PPARGC1A: variants seen among roughly 807,000 people sequenced by gnomAD.
PPARGC1A encodes the protein peroxisome proliferator-activated receptor gamma coactivator 1-alpha.
In PPARGC1A, 25 loss-of-function variants were observed where a neutral mutation model predicts 88.7. That is an observed-to-expected ratio of 0.28 (90% CI 0.21 to 0.39). PPARGC1A has a LOEUF of 0.39. Ranked by LOEUF, PPARGC1A falls within the 10% of genes least tolerant of loss-of-function variation. PPARGC1A has a pLI of 1.00. For synonymous variants in PPARGC1A, 363 were observed against 355.6 expected (o/e 1.02, Z -0.24); for missense variants, 880 against 968.7 (o/e 0.91, Z 1.22).
chr4:24,051,187 C>CCA, the PPARGC1A span, among the ~76,000 whole-genome samples: 1 of 58,620 alleles, frequency 1.7e-5, no homozygotes, highest in Non-Finnish European at 2.9e-5. Flanking sequence ...GACTCTGTCT[C>CCA]AAAAAAAAAA....
the PPARGC1A span, among the ~76,000 whole-genome samples, chr4:24,342,774 G>T: frequency 6.6e-6 from 1 of 152,180 alleles, no homozygotes; most frequent in Non-Finnish European, 1.5e-5. Flanking sequence ...AGCCTGGATT[G>T]ACTTCCCTGT....
In PPARGC1A at chr4:23,813,781, G is replaced by A. The variant is rs267600130; in HGVS notation, c.1702C>T (p.Arg568Cys). The stretch of plus-strand genomic sequence containing the variant: ...CTGTGTCGAGAAAAGGACCTTGAAC[G>A]AGAGCGCATCCTTTGGGGTCTTTGA... ...FSQRPQRMRSRSRSFSRHRSC... is the reference protein window; with the variant it reads ...FSQRPQRMRSCSRSFSRHRSC... Residue 568 changes from arginine (R) to cysteine (C), a missense_variant, in exon 8 of 13, where the codon CGT becomes TGT. Coordinates refer to ENST00000264867, the MANE Select transcript of PPARGC1A (RefSeq NM_013261.5). The A allele has an allele frequency of 2.7e-5, 43 of 1,613,386 alleles. No individual in the cohort carries two copies. The highest frequency in any genetic ancestry group is 1.5e-4 in the South Asian group (14 of 91,072).
chr4:24,212,851 T>C, the PPARGC1A span, among the ~76,000 whole-genome samples: 8 of 152,196 alleles, frequency 5.3e-5, no homozygotes, highest in Non-Finnish European at 8.8e-5. Flanking sequence ...AATGGTTGTG[T>C]CCCTTCCTAC....
chr4:24,106,021 C>T, the PPARGC1A span, among the ~76,000 whole-genome samples: 4 of 152,158 alleles, frequency 2.6e-5, no homozygotes, highest in Non-Finnish European at 4.4e-5. Flanking sequence ...AATTATGCTA[C>T]GCAGTTGAAA....
the PPARGC1A span, among the ~76,000 whole-genome samples, chr4:24,133,186 CT>C: frequency 2.6e-5 from 4 of 152,088 alleles, no homozygotes; most frequent in African/African-American, 7.2e-5. Flanking sequence ...GGTTTCCCCC[CT>C]GGGGGGTGGT....
chr4:24,057,978 G>A, the PPARGC1A span, among the ~76,000 whole-genome samples: 1 of 152,192 alleles, frequency 6.6e-6, no homozygotes, highest in Non-Finnish European at 1.5e-5. Flanking sequence ...GAGAGAGAGG[G>A]AAGCGAGTGA....
At chr4:23,914,618 G>T in the PPARGC1A span, among the ~76,000 whole-genome samples, 1 of 152,048 alleles carries the variant, frequency 6.6e-6, no homozygotes. Flanking sequence ...CCCTATATAA[G>T]GAAAATAACC....
chr4:23,834,366 G>C (rs552111942), intron 2 of PPARGC1A, among the ~76,000 whole-genome samples: 1 of 151,858 alleles, frequency 6.6e-6, no homozygotes, highest in East Asian at 1.9e-4. Context: ...GCACATACCT[G>C]TAATCTCAGC....
chr4:24,436,016 A>G, the PPARGC1A span, among the ~76,000 whole-genome samples: 1 of 152,220 alleles, frequency 6.6e-6, no homozygotes, highest in Non-Finnish European at 1.5e-5. Flanking sequence ...GCTAGGTTGC[A>G]TCCACCCAAC....
At chr4:23,887,566 G>T (rs1717121731) in intron 1 of PPARGC1A, among the ~76,000 whole-genome samples, 1 of 152,130 alleles carries the variant, frequency 6.6e-6, no homozygotes, top group South Asian at 2.1e-4. Context: ...GATTTAAGAG[G>T]ATAAAGCAGT....
At chr4:24,194,669 C>CACACACACACACACACACACA in the PPARGC1A span, among the ~76,000 whole-genome samples, 2 of 40,170 alleles carry the variant, frequency 5.0e-5, no homozygotes, top group African/African-American at 8.0e-5. Flanking sequence ...CACACACACA[C>CACACACACACACACACACACA]CCCCATCAAG....
chr4:24,400,479 A>G, the PPARGC1A span, among the ~76,000 whole-genome samples: 1 of 152,184 alleles, frequency 6.6e-6, no homozygotes, highest in Non-Finnish European at 1.5e-5. Context: ...GCTTGCAGAA[A>G]GCCAGTTGTG....
At chr4:24,469,149 T>C in the PPARGC1A span, among the ~76,000 whole-genome samples, 156 of 152,332 alleles carry the variant, frequency 1.0e-3, no homozygotes, top group African/African-American at 3.5e-3. Context: ...CATGAACAAG[T>C]CTCACTCTTG....
chr4:24,350,492 A>T, the PPARGC1A span, among the ~76,000 whole-genome samples: 1 of 152,204 alleles, frequency 6.6e-6, no homozygotes, highest in Non-Finnish European at 1.5e-5. Context: ...AGACATAAAT[A>T]CTTCCCTTAT....
At chr4:23,861,120 G>A (rs1182086622) in intron 2 of PPARGC1A, among the ~76,000 whole-genome samples, 2 of 152,172 alleles carry the variant, frequency 1.3e-5, no homozygotes, top group Non-Finnish European at 2.9e-5. Flanking sequence ...TTCTCAATGT[G>A]CTGCAGTGGG....
At chr4:24,001,140 A>G in the PPARGC1A span, among the ~76,000 whole-genome samples, 1 of 152,236 alleles carries the variant, frequency 6.6e-6, no homozygotes, top group Non-Finnish European at 1.5e-5. Context: ...AAATCCATAT[A>G]TCATGTTAAA....
the PPARGC1A span, among the ~76,000 whole-genome samples, chr4:23,993,642 C>T: frequency 1.3e-5 from 2 of 152,004 alleles, no homozygotes; most frequent in East Asian, 3.9e-4. Flanking sequence ...AACAACTTGC[C>T]CAAAGACACA....
intron 10 of PPARGC1A, among the ~76,000 whole-genome samples, chr4:23,807,256 A>T (rs1160232186): frequency 1.3e-5 from 2 of 152,168 alleles, no homozygotes; most frequent in Non-Finnish European, 2.9e-5. Flanking sequence ...AAATGCTGAG[A>T]AGTGTTTTTC....
the PPARGC1A span, among the ~76,000 whole-genome samples, chr4:24,329,601 G>A: frequency 3.3e-5 from 5 of 152,028 alleles, no homozygotes; most frequent in Admixed American, 6.6e-5. Flanking sequence ...GAATGTCATC[G>A]GCAAAGATCA....
Sources: gnomAD v4.1 joint callset for allele counts (sites outside exome capture counted in the v4.1 genomes callset) on GRCh38, gnomAD v4.1.1 for gene constraint, MANE v1.5 for transcripts, NCBI Gene and HGNC (gene_info 2026-07-23, HGNC 2026-07-21) for gene names.